The following TAPBPL variants were observed in gnomAD, a reference collection of about 807,000 sequenced individuals.
The protein encoded by TAPBPL is tapasin-related protein.
A neutral mutation model predicts 44.8 loss-of-function variants in TAPBPL; 32 were observed. The ratio of observed to expected loss-of-function variants is 0.71; its 90% CI spans 0.54 to 0.96. The LOEUF is 0.96. Ranked by LOEUF, TAPBPL falls within the 40% of genes least tolerant of loss-of-function variation. TAPBPL has a pLI of 0.00. For missense variants in TAPBPL, 520 were observed against 586.6 expected (o/e 0.89, Z 1.17); for synonymous variants, 230 against 240.7 (o/e 0.96, Z 0.41).
At chr12:6,466,302 C>T, downstream of TAPBPL, 1 of 1,614,182 alleles carries the variant, frequency 6.2e-7, no homozygotes, top group Non-Finnish European at 8.5e-7. Context: ...GGACCCCCAC[C>T]TGGGGCAGTC....
rs776081237 is a variant in TAPBPL, at chr12:6,457,736, A to G, written c.896A>G (p.Asn299Ser). 2 of 1,582,326 alleles carry G rather than the reference A, an allele frequency of 1.3e-6. No individual in the cohort carries two copies. The highest frequency in any genetic ancestry group is 1.7e-6 in the Non-Finnish European group (2 of 1,158,268). ...LYRAQQIIQL[N>S]IQASPKVRLS... Reference sequence around the variant, plus strand: ...CGAGCTCAGCAGATCATCCAGCTCAACATCCAAGGTGAGGCCAGGACATGG... The same window carrying G: ...CGAGCTCAGCAGATCATCCAGCTCAGCATCCAAGGTGAGGCCAGGACATGG... Residue 299 changes from asparagine to serine, a missense_variant, in exon 4 of 7, where the codon AAC becomes AGC. Transcript: ENST00000266556.
Position 6,453,514 on chromosome 12 carries a change from C to T in TAPBPL, c.363C>T (p.Thr121=). The part of the protein sequence containing the change: ...LHADCSGKEV[T]CEISRYFLQM... ...CTGACTGCAGTGGGAAGGAGGTGACCTGTGAGATCTCCCGCTACTTTCTCC... is the reference window on the plus strand; with the variant it reads ...CTGACTGCAGTGGGAAGGAGGTGACTTGTGAGATCTCCCGCTACTTTCTCC... The change falls in exon 3 of 7, where the codon ACC becomes ACT. Residue 121 remains threonine, a synonymous_variant. Coordinates refer to ENST00000266556, the MANE Select transcript of TAPBPL (RefSeq NM_018009.5). The surrounding 1 kb of genome is among the most constrained non-coding windows in gnomAD (Gnocchi z 4.8). 1 of 1,614,182 alleles carries T rather than the reference C, an allele frequency of 6.2e-7. No homozygotes were observed. The highest frequency in any genetic ancestry group is 2.2e-5 in the East Asian group (1 of 44,876).
At position 6,453,152 on chromosome 12, in the gene TAPBPL, T is replaced by C. The variant is rs550087000; in HGVS notation, c.150T>C (p.Ala50=). 2.3e-4 allele frequency: 364 copies of C among 1,603,528 alleles called. 4 individuals carry two copies. The South Asian group carries it at 3.9e-3, about 17-fold the overall frequency. ...FLAKDGAHRG[A]LASSEDRARA... is the part of the protein sequence containing the mutation. ...CGAAGGACGGTGCGCACCGTGGAGC[T>C]CTCGCCAGCAGTGAGGACAGGGCAA... The change falls in exon 2 of 7, where the codon GCT becomes GCC. Residue 50 remains alanine, a synonymous_variant. Coordinates refer to ENST00000266556, the MANE Select transcript of TAPBPL (RefSeq NM_018009.5). This position sits in a 1 kb window ranked among gnomAD's most constrained non-coding sequence, Gnocchi z 4.8.
downstream of TAPBPL, chr12:6,466,592 A>G: frequency 8.4e-6 from 3 of 357,030 alleles, no homozygotes; most frequent in South Asian, 1.1e-4. Flanking sequence ...ATTAGGCTAT[A>G]CAAAACTAGA....
chr12:6,463,972 G>A (rs1434603043), downstream of TAPBPL: 5 of 1,290,580 alleles, frequency 3.9e-6, no homozygotes, highest in Admixed American at 2.3e-5. The surrounding 1 kb of genome is among the most constrained non-coding windows in gnomAD (Gnocchi z 4.0). Context: ...CCACCCCCAG[G>A]ACCCTCTTCA....
rs1430022847 is a variant in TAPBPL, at chr12:6,452,315, G to A, written c.64+3G>A. On this transcript the variant is annotated splice_donor_region_variant and intron_variant, in intron 1 of 6. Transcript: ENST00000266556. ...TCTATCTGGAGCAGCAGAAACCAGT[G>A]AGTCTGGGAGTCGGGGAGAGCTGGC... 6.4e-7 allele frequency: 1 copy of A among 1,571,618 alleles called. No individual in the cohort carries two copies. Among genetic ancestry groups the A allele is most frequent in the Non-Finnish European group, 8.6e-7 (1 of 1,158,572 alleles).
downstream of TAPBPL, among the ~76,000 whole-genome samples, chr12:6,470,268 C>T (rs1195101740): frequency 6.6e-6 from 1 of 152,070 alleles, no homozygotes; most frequent in Non-Finnish European, 1.5e-5. Flanking sequence ...GAATGAGGCG[C>T]CACTCAGACG....
At chr12:6,470,397 G>A (rs1945742952), downstream of TAPBPL, 9 of 1,391,570 alleles carry the variant, frequency 6.5e-6, no homozygotes, top group South Asian at 1.1e-4. Context: ...GCCCGGTCCG[G>A]AAGCGGCGCG....
chr12:6,466,152 AAAGAT>A (rs577624091), downstream of TAPBPL: 1,983 of 1,612,898 alleles, frequency 1.2e-3, 5 homozygotes, highest in Middle Eastern at 3.1e-3. Flanking sequence ...AAAAAGGAGA[AAAGAT>A]AAGAAGTTCC....
chr12:6,464,855 C>T (rs1253358517), downstream of TAPBPL: 3 of 1,613,790 alleles, frequency 1.9e-6, no homozygotes, highest in Admixed American at 5.0e-5. Context: ...ACCTTCCCAC[C>T]TCTTCACCCC....
downstream of TAPBPL, chr12:6,465,412 A>G (rs1481373987): frequency 1.3e-5 from 1 of 78,294 alleles, no homozygotes. Flanking sequence ...ATGTATATAT[A>G]TGTATATATA....
At chr12:6,465,070 C>A (rs2137004481), downstream of TAPBPL, 2 of 1,383,168 alleles carry the variant, frequency 1.4e-6, no homozygotes, top group East Asian at 2.5e-5. Flanking sequence ...ACCCAGGAGA[C>A]CTGCAGGCCT....
upstream of TAPBPL, chr12:6,451,947 G>T: frequency 2.2e-6 from 1 of 463,576 alleles, no homozygotes; most frequent in Non-Finnish European, 3.9e-6. Context: ...GGGAGCAAAA[G>T]GGTGCAGAGG....
rs1949836387 is a variant in TAPBPL, at chr12:6,460,802, A to G, written c.1208-53A>G. 5 of 1,580,462 alleles carry G rather than the reference A, an allele frequency of 3.2e-6. No homozygotes were observed. In the Admixed American group the frequency reaches 5.0e-5, roughly 16 times the overall value. ...GGGTGGACACTGCAGGTGAGGGCTC[A>G]GCTCATGATTCCTGCGCACGATGAT... On this transcript the variant is annotated intron_variant, in intron 5 of 6. Transcript: ENST00000266556.
chr12:6,464,360 C>G, downstream of TAPBPL: 1 of 1,551,666 alleles, frequency 6.4e-7, no homozygotes, highest in Non-Finnish European at 8.7e-7. Context: ...ATGGAGAAGC[C>G]TGGGCTGGAA....
In TAPBPL at chr12:6,461,183, G is replaced by C. The variant is rs976551107; in HGVS notation, c.1291+245G>C. The C allele has an allele frequency of 3.0e-6, 4 of 1,333,016 alleles. No individual in the cohort carries two copies. In the African/African-American group the frequency reaches 6.0e-5, roughly 20 times the overall value. The allele number at this position is 1,333,016 out of a possible 1,614,324, so 82.6% of individuals were successfully genotyped here. ...GAGTAGAAAGAAAGAGTAGTCACGT[G>C]CTCCCAGAAGGACTCTAAGTCAAGT... On this transcript the variant is annotated intron_variant, in intron 6 of 6. Transcript: ENST00000266556.
chr12:6,464,772 C>T (rs560343278), downstream of TAPBPL: 1 of 1,553,318 alleles, frequency 6.4e-7, no homozygotes, highest in Admixed American at 2.0e-5. Flanking sequence ...GATCCCATAG[C>T]AGCGGTCTCC....
chr12:6,459,967 G>A (rs766604649), intron 5 of TAPBPL, among the ~76,000 whole-genome samples: 9 of 151,574 alleles, frequency 5.9e-5, no homozygotes, highest in Admixed American at 2.0e-4. Flanking sequence ...ATGGGGTTTC[G>A]CCATGATGGC....
downstream of TAPBPL, chr12:6,466,294 A>AC: frequency 5.0e-6 from 8 of 1,613,832 alleles, no homozygotes; most frequent in Non-Finnish European, 6.8e-6. Flanking sequence ...GGCCAGGGGG[A>AC]CCCCCACCTG....
Sources: allele counts gnomAD v4.1 joint callset (sites outside exome capture counted in the v4.1 genomes callset), GRCh38; gene constraint gnomAD v4.1.1; non-coding constraint Gnocchi (gnomAD v3.1); transcripts MANE v1.5; gene names NCBI Gene and HGNC (gene_info 2026-07-23, HGNC 2026-07-21).